Variants in CNTNAP2 observed in about 807,000 individuals in gnomAD.
The protein encoded by CNTNAP2 is contactin associated protein 2, also known as contactin-associated protein-like 2.
Under a neutral mutation model 155.2 loss-of-function variants are expected in CNTNAP2, and 98 were observed. The ratio of observed to expected loss-of-function variants is 0.63; its 90% CI spans 0.54 to 0.75. CNTNAP2 has a LOEUF of 0.75. Among genes scored for constraint, CNTNAP2 ranks in the 30% least tolerant of loss-of-function variants. CNTNAP2 has a pLI of 0.00. For synonymous variants in CNTNAP2, 651 were observed against 631.2 expected (o/e 1.03, Z -0.47); for missense variants, 1,727 against 1,688.1 (o/e 1.02, Z -0.40).
chr7:148,133,258 T>C (rs1468644317), intron 16 of CNTNAP2, among the ~76,000 whole-genome samples: 1 of 151,888 alleles, frequency 6.6e-6, no homozygotes, highest in Non-Finnish European at 1.5e-5. Flanking sequence ...GGCCACGAGA[T>C]CTAGACCAGC....
At chr7:146,842,413 G>A (rs1042238372) in intron 3 of CNTNAP2, among the ~76,000 whole-genome samples, 2 of 152,210 alleles carry the variant, frequency 1.3e-5, no homozygotes, top group Non-Finnish European at 2.9e-5. Flanking sequence ...GCTACGTGAT[G>A]AGTGATTATT....
intron 13 of CNTNAP2, among the ~76,000 whole-genome samples, chr7:147,879,712 G>A (rs570128005): frequency 2.0e-5 from 3 of 152,242 alleles, no homozygotes; most frequent in Non-Finnish European, 2.9e-5. Context: ...ATATATTATG[G>A]AGATGAGTGA....
rs368518178 is a variant in CNTNAP2 at position 148,111,508 on chromosome 7, GA to G, written c.2384-6605del. Among the ~76,000 whole-genome samples, 55 of 148,240 alleles carry G rather than the reference GA, an allele frequency of 3.7e-4. 1 individual carries two copies. The East Asian group carries it at 8.8e-3, about 24-fold the overall frequency. ...ATTTCCAAAGAAGTAGAACACAAAGGAAAAAGATCAAAATGTGGAACAAAAT... is the reference window on the plus strand; with the variant it reads ...ATTTCCAAAGAAGTAGAACACAAAGGAAAAGATCAAAATGTGGAACAAAAT... On this transcript the variant is annotated intron_variant, in intron 15 of 23. Transcript: ENST00000361727.
intron 1 of CNTNAP2, among the ~76,000 whole-genome samples, chr7:146,145,939 A>G (rs1797951109): frequency 6.6e-6 from 1 of 152,184 alleles, no homozygotes. Context: ...CATACTTATT[A>G]TATAATTACA....
At chr7:146,381,824 A>G (rs1795393451) in intron 1 of CNTNAP2, among the ~76,000 whole-genome samples, 1 of 152,072 alleles carries the variant, frequency 6.6e-6, no homozygotes. Context: ...ATACAATCGT[A>G]TTTTTTTACT....
At chr7:146,367,232 C>G (rs1563057119) in intron 1 of CNTNAP2, among the ~76,000 whole-genome samples, 1 of 152,044 alleles carries the variant, frequency 6.6e-6, no homozygotes, top group Non-Finnish European at 1.5e-5. Flanking sequence ...TACACATCGC[C>G]TAATTTAATC....
At chr7:147,448,459 AAAC>A (rs1299015749) in intron 10 of CNTNAP2, among the ~76,000 whole-genome samples, 1 of 140,948 alleles carries the variant, frequency 7.1e-6, no homozygotes, top group Non-Finnish European at 1.5e-5. Flanking sequence ...TGCTAAGTAA[AAAC>A]AAACCAAATA....
intron 1 of CNTNAP2, among the ~76,000 whole-genome samples, chr7:146,631,547 A>C (rs1376077563): frequency 1.3e-5 from 2 of 152,146 alleles, no homozygotes; most frequent in African/African-American, 2.4e-5. Context: ...CAGTAAGACA[A>C]ATGACCCCAG....
intron 1 of CNTNAP2, among the ~76,000 whole-genome samples, chr7:146,123,682 T>C (rs1336062795): frequency 7.5e-6 from 1 of 132,956 alleles, no homozygotes; most frequent in African/African-American, 2.5e-5. Context: ...ATAGTATTAT[T>C]TGAAAGGAAT....
rs140438028 is a variant in CNTNAP2, at chr7:146,280,494, A to T, written c.97+163521A>T. Among the ~76,000 whole-genome samples, 104 of 152,026 alleles carry T rather than the reference A, an allele frequency of 6.8e-4. 2 individuals are homozygous for T. The highest frequency in any genetic ancestry group is 2.4e-3 in the African/African-American group (100 of 41,436). On this transcript the variant is annotated intron_variant, in intron 1 of 23. Transcript: ENST00000361727. ...ATTAAGGCCAGGTGAATTGCTGATC[A>T]CTCCCTGCACTTGGCCGCTCCTATC...
chr7:147,593,662 G>T (rs1050183119), intron 12 of CNTNAP2, among the ~76,000 whole-genome samples: 1 of 152,068 alleles, frequency 6.6e-6, no homozygotes, highest in African/African-American at 2.4e-5. Context: ...ATCATAGTTG[G>T]CTACTACTAT....
chr7:146,412,487 G>C (rs747523193), intron 1 of CNTNAP2, among the ~76,000 whole-genome samples: 1 of 152,120 alleles, frequency 6.6e-6, no homozygotes, highest in Non-Finnish European at 1.5e-5. Flanking sequence ...AGACTTAGCT[G>C]ATGTTTCTTC....
chr7:146,781,179 G>T (rs1232580047), intron 2 of CNTNAP2, among the ~76,000 whole-genome samples: 3 of 147,324 alleles, frequency 2.0e-5, no homozygotes, highest in Non-Finnish European at 4.4e-5. Flanking sequence ...ACTGAGCCCA[G>T]ATCGCGCCAC....
chr7:147,289,924 A>C (rs939190629), intron 8 of CNTNAP2, among the ~76,000 whole-genome samples: 1 of 152,204 alleles, frequency 6.6e-6, no homozygotes, highest in African/African-American at 2.4e-5. Flanking sequence ...TTGAATTTTA[A>C]AATGAATAGC....
intron 1 of CNTNAP2, among the ~76,000 whole-genome samples, chr7:146,247,493 G>C (rs1158824993): frequency 6.6e-6 from 1 of 152,106 alleles, no homozygotes; most frequent in Non-Finnish European, 1.5e-5. Context: ...TTGGGGTTGG[G>C]ACTGAGGGGA....
intron 1 of CNTNAP2, among the ~76,000 whole-genome samples, chr7:146,641,626 C>CAG: frequency 6.6e-6 from 1 of 152,152 alleles, no homozygotes; most frequent in East Asian, 1.9e-4. Flanking sequence ...TAATGGAAGG[C>CAG]AGGTGCTGGT....
chr7:146,476,829 A>C (rs1170148683), intron 1 of CNTNAP2, among the ~76,000 whole-genome samples: 1 of 152,210 alleles, frequency 6.6e-6, no homozygotes, highest in Non-Finnish European at 1.5e-5. Flanking sequence ...TTACTTGGCG[A>C]GTAGGGCTAC....
rs11377306 is a variant in CNTNAP2, at chr7:147,263,377, TA to T, written c.1349-36753del. Among the ~76,000 whole-genome samples the T allele has an allele frequency of 3.2e-3, 468 of 148,492 alleles. 2 individuals carry two copies. Among genetic ancestry groups the T allele is most frequent in the African/African-American group, 0.01 (423 of 40,484 alleles). ...CCCTGCCTGGGAGAAAAATAAAAAT[TA>T]AAAAAAAAAAGTCACTTCTGACTAT... On this transcript the variant is annotated intron_variant, in intron 8 of 23. Transcript: ENST00000361727.
chr7:146,873,533 T>C (rs142233565), intron 3 of CNTNAP2, among the ~76,000 whole-genome samples: 7 of 152,112 alleles, frequency 4.6e-5, no homozygotes, highest in African/African-American at 1.7e-4. Context: ...TGGAAGTGCA[T>C]GCGATTCAGA....
Sources: allele counts gnomAD v4.1 joint callset (sites outside exome capture counted in the v4.1 genomes callset), GRCh38; gene constraint gnomAD v4.1.1; transcripts MANE v1.5; gene names NCBI Gene and HGNC (gene_info 2026-07-23, HGNC 2026-07-21).